The following TRIM36 variants were observed in gnomAD, a reference collection of about 807,000 sequenced individuals.
TRIM36 encodes tripartite motif containing 36, also known as E3 ubiquitin-protein ligase TRIM36.
TRIM36 carries 42 observed loss-of-function variants against 72.4 expected under a neutral mutation model. The observed-to-expected ratio is 0.58, with a 90% CI of 0.45 to 0.75. TRIM36 has a LOEUF of 0.75. TRIM36 is among the 30% of genes least tolerant of loss of function. The pLI, the probability that TRIM36 is intolerant of heterozygous loss-of-function variation, is 0.00. For missense variants in TRIM36, 913 were observed against 857.1 expected, an observed-to-expected ratio of 1.07 and a Z score of -0.81; for synonymous variants, 315 against 282.8, an observed-to-expected ratio of 1.11 and a Z score of -1.14.
intron 4 of TRIM36, among the ~76,000 whole-genome samples, chr5:115,143,222 CAAAAAAAAAAAAAAAA>C (rs59083853): frequency 3.5e-5 from 2 of 57,488 alleles, no homozygotes; most frequent in Non-Finnish European, 2.9e-5. Context: ...ACCAGCCAGA[CAAAAAAAAAAAAAAAA>C]AAAAAAAAAA....
At chr5:115,143,304 ATAGTCAGATAAAAT>A (rs1274047782) in intron 4 of TRIM36, among the ~76,000 whole-genome samples, 1 of 151,464 alleles carries the variant, frequency 6.6e-6, no homozygotes, top group Non-Finnish European at 1.5e-5. Flanking sequence ...TTTTACTTCA[ATAGTCAGATAAAAT>A]TAGCCCTTAA....
At chr5:115,170,954 C>A (rs1369576581), upstream of TRIM36, 10 of 1,247,702 alleles carry the variant, frequency 8.0e-6, no homozygotes, top group Non-Finnish European at 1.1e-5. Flanking sequence ...TTTCAGGACA[C>A]ACGGAGAACA....
intron 1 of TRIM36, among the ~76,000 whole-genome samples, chr5:115,178,274 C>A (rs1459026478): frequency 1.3e-5 from 2 of 152,208 alleles, no homozygotes; most frequent in Admixed American, 1.3e-4. Flanking sequence ...ATCCTATTCT[C>A]CATCCTATCA....
chr5:115,167,429 T>C (rs1254917392), intron 1 of TRIM36, among the ~76,000 whole-genome samples: 1 of 152,230 alleles, frequency 6.6e-6, no homozygotes, highest in African/African-American at 2.4e-5. Flanking sequence ...GTTTTTCCTT[T>C]CTACTCCATG....
chr5:115,137,399 G>A lies in TRIM36; in HGVS notation c.1049C>T (p.Ser350Phe), dbSNP rs1353916607. ...AQEVLKETDQ[S>F]CFVQTAKQLH... Reference sequence around the variant, plus strand: ...CTGCTTTGCTGTCTGCACAAAGCAAGACTGATCTGTCTCCTTTAGCACTTC... The same window carrying A: ...CTGCTTTGCTGTCTGCACAAAGCAAAACTGATCTGTCTCCTTTAGCACTTC... Residue 350 changes from serine (S) to phenylalanine (F), a missense_variant, in exon 6 of 10, where the codon TCT becomes TTT. Transcript: ENST00000513154. 6.2e-7 allele frequency: 1 copy of A among 1,613,968 alleles called. No homozygotes were observed. The highest frequency in any genetic ancestry group is 8.5e-7 in the Non-Finnish European group (1 of 1,179,952).
upstream of TRIM36, among the ~76,000 whole-genome samples, chr5:115,174,638 T>G (rs946713454): frequency 2.6e-5 from 4 of 152,180 alleles, no homozygotes; most frequent in Non-Finnish European, 1.5e-5. Flanking sequence ...ATCCTCCTCA[T>G]CTTTCAAGTT....
At chr5:115,142,309 C>T (rs955072606) in intron 4 of TRIM36, among the ~76,000 whole-genome samples, 1 of 152,104 alleles carries the variant, frequency 6.6e-6, no homozygotes, top group African/African-American at 2.4e-5. Flanking sequence ...AATGGCAATT[C>T]TAATAATACC....
intron 9 of TRIM36, among the ~76,000 whole-genome samples, chr5:115,128,107 G>A (rs1752452054): frequency 6.6e-6 from 1 of 151,554 alleles, no homozygotes; most frequent in African/African-American, 2.4e-5. Context: ...GCCAGGAGTG[G>A]TAGCTCACGT....
upstream of TRIM36, chr5:115,169,960 A>G (rs573975242): frequency 1.7e-6 from 2 of 1,210,308 alleles, no homozygotes; most frequent in Middle Eastern, 3.3e-4. Context: ...CGGGGCGTGG[A>G]CAGGGCGTGG....
chr5:115,137,765 A>C (rs1296148001), intron 5 of TRIM36, 149 bp from the exon 6 acceptor site: 1 of 891,422 alleles, frequency 1.1e-6, no homozygotes, highest in Middle Eastern at 3.7e-4. Context: ...ACCAACCTAG[A>C]TATTATAAAG....
At chr5:115,160,503 T>A (rs1423788258) in intron 2 of TRIM36, among the ~76,000 whole-genome samples, 2 of 152,190 alleles carry the variant, frequency 1.3e-5, no homozygotes, top group African/African-American at 4.8e-5. Context: ...GTGGCTACCA[T>A]ACTGGACAAT....
At chr5:115,145,400 A>G (rs765354330) in intron 3 of TRIM36, among the ~76,000 whole-genome samples, 6 of 152,222 alleles carry the variant, frequency 3.9e-5, no homozygotes, top group Admixed American at 6.5e-5. Flanking sequence ...AACTGTTTTC[A>G]TTTGAAAGAA....
chr5:115,153,451 T>C (rs1754002057), intron 2 of TRIM36, among the ~76,000 whole-genome samples: 1 of 152,064 alleles, frequency 6.6e-6, no homozygotes, highest in African/African-American at 2.4e-5. Flanking sequence ...GAGGTATCAA[T>C]ACACCACTGA....
At chr5:115,129,966 TA>T in intron 9 of TRIM36, among the ~76,000 whole-genome samples, 1 of 152,340 alleles carries the variant, frequency 6.6e-6, no homozygotes, top group Non-Finnish European at 1.5e-5. Context: ...GTTTTACTGT[TA>T]AAATTTTCAG....
At chr5:115,132,497 T>C (rs1752744381) in intron 8 of TRIM36, among the ~76,000 whole-genome samples, 1 of 145,602 alleles carries the variant, frequency 6.9e-6, no homozygotes, top group Non-Finnish European at 1.5e-5. Context: ...TGAGCTGAGA[T>C]GGTGCCACTG....
intron 5 of TRIM36, among the ~76,000 whole-genome samples, chr5:115,140,912 C>T (rs1753242354): frequency 1.3e-5 from 2 of 152,266 alleles, no homozygotes; most frequent in East Asian, 1.9e-4. Flanking sequence ...GCCCAATCTG[C>T]ATACAGCACA....
intron 5 of TRIM36, among the ~76,000 whole-genome samples, chr5:115,140,691 C>T (rs1028907760): frequency 2.0e-5 from 3 of 152,104 alleles, no homozygotes; most frequent in Non-Finnish European, 2.9e-5. Flanking sequence ...GCCTTCCTGT[C>T]GACATTACTG....
At chr5:115,137,277 G>C in intron 6 of TRIM36, 86 bp downstream of exon 6, 1 of 1,514,274 alleles carries the variant, frequency 6.6e-7, no homozygotes, top group South Asian at 1.3e-5. Context: ...CAGCATTATG[G>C]ACCAATCAGA....
intron 2 of TRIM36, among the ~76,000 whole-genome samples, chr5:115,155,389 G>C (rs750565577): frequency 1.5e-4 from 23 of 152,132 alleles, no homozygotes; most frequent in Admixed American, 5.9e-4. Context: ...CAATATCCCT[G>C]ATGAACACAG....
Sources: gnomAD v4.1 joint callset for allele counts (sites outside exome capture counted in the v4.1 genomes callset) on GRCh38, gnomAD v4.1.1 for gene constraint, MANE v1.5 for transcripts, NCBI Gene and HGNC (gene_info 2026-07-23, HGNC 2026-07-21) for gene names.